GPC3: variants seen among roughly 807,000 people sequenced by gnomAD.
GPC3 encodes the protein glypican-3.
GPC3 carries 3 observed loss-of-function variants against 34.4 expected under a neutral mutation model. The observed-to-expected ratio is 0.09, with a 90% CI of 0.04 to 0.23. The LOEUF is 0.23. Ranked by LOEUF, GPC3 falls within the 10% of genes least tolerant of loss-of-function variation. GPC3 has a pLI of 1.00. For synonymous variants in GPC3, 177 were observed against 174.0 expected (o/e 1.02, Z -0.13); for missense variants, 351 against 445.6 (o/e 0.79, Z 1.91).
intron 2 of GPC3, among the ~76,000 whole-genome samples, chrX:133,764,175 A>G (rs1057029261): frequency 2.7e-5 from 3 of 112,080 alleles, no homozygotes; most frequent in Admixed American, 9.5e-5. Flanking sequence ...CAGGAACAGA[A>G]AACCAAATAC....
intron 2 of GPC3, among the ~76,000 whole-genome samples, chrX:133,902,525 C>G (rs765805067): frequency 1.8e-5 from 2 of 111,482 alleles, no homozygotes; most frequent in Non-Finnish European, 3.8e-5. Context: ...GATTTTGACA[C>G]TAGCCTGGCC....
At position 133,953,277 on chromosome X, in the gene GPC3, C is replaced by T. The variant is rs904356401; in HGVS notation, c.176-66G>A. ...TCTCTCTCACACACCCACACCCACACCACCCCCACCCCCTACACACACACT... is the reference window on the plus strand; with the variant it reads ...TCTCTCTCACACACCCACACCCACATCACCCCCACCCCCTACACACACACT... On this transcript the variant is annotated intron_variant, in intron 1 of 7. Transcript: ENST00000370818. The T allele has an allele frequency of 1.5e-5, 13 of 856,416 alleles. No individual in the cohort carries two copies. The African/African-American group carries it at 2.6e-4, about 17-fold the overall frequency. 70.6% of individuals were successfully genotyped at this position (856,416 alleles called of 1,213,427 possible). A position where few individuals can be genotyped will look rare whatever the true frequency, so the allele number is the denominator to read the frequency against.
At chrX:133,860,742 T>C (rs1603261719) in intron 2 of GPC3, among the ~76,000 whole-genome samples, 1 of 111,652 alleles carries the variant, frequency 9.0e-6, no homozygotes, top group African/African-American at 3.3e-5. Context: ...GAAGGTCCTA[T>C]GGAATCAATG....
At chrX:133,843,033 T>G (rs931769844) in intron 2 of GPC3, among the ~76,000 whole-genome samples, 6 of 111,643 alleles carry the variant, frequency 5.4e-5, no homozygotes, top group African/African-American at 2.0e-4. Context: ...AGAAGACCTA[T>G]GTAGAAGCCC....
chrX:133,630,626 C>T (rs2070355207), intron 6 of GPC3, among the ~76,000 whole-genome samples: 1 of 111,498 alleles, frequency 9.0e-6, no homozygotes, highest in African/African-American at 3.3e-5. Flanking sequence ...TCTCAATTGC[C>T]AAAATGCTGG....
At chrX:133,550,010 T>C (rs1377113779) in intron 7 of GPC3, among the ~76,000 whole-genome samples, 1 of 108,683 alleles carries the variant, frequency 9.2e-6, no homozygotes, top group Non-Finnish European at 1.9e-5. Flanking sequence ...TGTATCTTTC[T>C]GTTTGTTTGT....
intron 2 of GPC3, among the ~76,000 whole-genome samples, chrX:133,936,513 G>A (rs1019819919): frequency 3.6e-5 from 4 of 111,248 alleles, no homozygotes; most frequent in African/African-American, 9.8e-5. Flanking sequence ...ACTTAGAAGT[G>A]CTAACAACGG....
chrX:133,596,519 G>A lies in GPC3; in HGVS notation c.1494C>T (p.Cys498=), dbSNP rs753210097. 48 of 1,202,044 alleles carry A rather than the reference G, an allele frequency of 4.0e-5. No homozygotes were observed. The highest frequency in any genetic ancestry group is 1.1e-4 in the South Asian group (6 of 56,584). The change falls in exon 7 of 8, where the codon TGC becomes TGT. Residue 498 remains cysteine (C), a synonymous_variant. Coordinates refer to ENST00000370818, the MANE Select transcript of GPC3 (RefSeq NM_004484.4). ...LDEEGFESGD[C]GDDEDECIGG... ...CAATGCACTCATCTTCATCATCACCGCAGTCTCCACTTTCAAACCCTTCCT... is the reference window on the plus strand; with the variant it reads ...CAATGCACTCATCTTCATCATCACCACAGTCTCCACTTTCAAACCCTTCCT...
intron 2 of GPC3, among the ~76,000 whole-genome samples, chrX:133,824,369 T>C (rs949334090): frequency 9.0e-6 from 1 of 111,436 alleles, no homozygotes; most frequent in Non-Finnish European, 1.9e-5. Flanking sequence ...TCAGTGGAAA[T>C]GACAGAGTAA....
At chrX:133,760,687 T>C (rs913993976) in intron 2 of GPC3, among the ~76,000 whole-genome samples, 2 of 111,599 alleles carry the variant, frequency 1.8e-5, no homozygotes, top group Admixed American at 9.5e-5. Context: ...TACTGTATGA[T>C]ACTGTAATGA....
intron 2 of GPC3, among the ~76,000 whole-genome samples, chrX:133,896,967 C>T (rs1321042412): frequency 2.0e-5 from 2 of 100,553 alleles, no homozygotes; most frequent in African/African-American, 3.7e-5. Context: ...AGTGCAGTGG[C>T]GTGATCTCAG....
chrX:133,737,207 G>C (rs2071519265), intron 3 of GPC3, among the ~76,000 whole-genome samples: 2 of 112,397 alleles, frequency 1.8e-5, no homozygotes, highest in African/African-American at 6.5e-5. Context: ...AGTGGAGAGG[G>C]AGGGATGAAC....
chrX:133,972,455 A>T (rs2076497649), intron 1 of GPC3, among the ~76,000 whole-genome samples: 1 of 112,175 alleles, frequency 8.9e-6, no homozygotes, highest in African/African-American at 3.2e-5. Context: ...ATCTCAGGAG[A>T]TAGCTGCCTC....
intron 7 of GPC3, among the ~76,000 whole-genome samples, chrX:133,563,677 T>C (rs1434935539): frequency 8.9e-6 from 1 of 112,002 alleles, no homozygotes; most frequent in Non-Finnish European, 1.9e-5. Flanking sequence ...AGCCAGCACA[T>C]GGAGCATTTC....
chrX:133,661,560 ATCTCTCTTTC>A (rs1569408535), intron 6 of GPC3, among the ~76,000 whole-genome samples, 160 bp downstream of exon 6: 2 of 60,682 alleles, frequency 3.3e-5, no homozygotes, highest in Admixed American at 2.4e-4. Context: ...AGCTGGCTAT[ATCTCTCTTTC>A]TCTCTCTCTC....
chrX:133,592,827 T>C (rs1876396968), intron 7 of GPC3, among the ~76,000 whole-genome samples: 1 of 111,787 alleles, frequency 8.9e-6, no homozygotes, highest in African/African-American at 3.3e-5. Flanking sequence ...ATGATCCCCA[T>C]TTAATGGATG....
rs766407891 is a variant in GPC3 at position 133,763,630 on chromosome X, G to A, written c.338-9454C>T. On this transcript the variant is annotated intron_variant, in intron 2 of 7. Transcript: ENST00000370818. Reference sequence around the variant, plus strand: ...GCCTGCCACGGAAGACTGGTCTGCCGCTTCCACTGCTCAGGCCACTGAATG... The same window carrying A: ...GCCTGCCACGGAAGACTGGTCTGCCACTTCCACTGCTCAGGCCACTGAATG... 3.5e-4 allele frequency: 278 copies of A among 787,423 alleles called. 1 individual carries two copies. In the East Asian group the frequency reaches 7.5e-3, roughly 21 times the overall value. The allele number at this position is 787,423 out of a possible 1,213,427, so 64.9% of individuals were successfully genotyped here.
intron 3 of GPC3, among the ~76,000 whole-genome samples, chrX:133,711,484 C>T (rs1472973493): frequency 9.0e-6 from 1 of 110,904 alleles, no homozygotes; most frequent in African/African-American, 3.3e-5. Flanking sequence ...TTTAACAAGC[C>T]CTTCAGGGGG....
At chrX:133,675,246 C>T (rs1397012571) in intron 5 of GPC3, among the ~76,000 whole-genome samples, 1 of 111,901 alleles carries the variant, frequency 8.9e-6, no homozygotes, top group African/African-American at 3.2e-5. Context: ...TGGCCTTAGT[C>T]ACAGTCACTT....
Sources: allele counts gnomAD v4.1 joint callset (sites outside exome capture counted in the v4.1 genomes callset), GRCh38; gene constraint gnomAD v4.1.1; transcripts MANE v1.5; gene names NCBI Gene and HGNC (gene_info 2026-07-23, HGNC 2026-07-21).